DNAH11: variants seen among roughly 807,000 people sequenced by gnomAD.
DNAH11 encodes the protein dynein axonemal heavy chain 11, also known as axonemal beta dynein heavy chain 11.
In DNAH11, 442 loss-of-function variants were observed where a neutral mutation model predicts 526.0. The ratio of observed to expected loss-of-function variants is 0.84; its 90% confidence interval spans 0.78 to 0.91. DNAH11 has a LOEUF of 0.91. Ranked by LOEUF, DNAH11 falls within the 40% of genes least tolerant of loss-of-function variation. The pLI, the probability that DNAH11 is intolerant of heterozygous loss-of-function variation, is 0.00. For missense variants in DNAH11, 6,989 were observed against 5,448.7 expected (o/e 1.28, Z -8.90); for synonymous variants, 2,461 against 1,935.9 (o/e 1.27, Z -7.12).
intron 65 of DNAH11, 53 bp downstream of exon 65, chr7:21,818,392 G>A (rs1207883973): frequency 4.5e-6 from 7 of 1,565,426 alleles, no homozygotes; most frequent in Non-Finnish European, 6.1e-6. Flanking sequence ...ATTTTCAGCA[G>A]CAGCATCTCT....
intron 8 of DNAH11, among the ~76,000 whole-genome samples, chr7:21,577,477 T>G (rs1784140660): frequency 6.6e-6 from 1 of 152,194 alleles, no homozygotes; most frequent in Non-Finnish European, 1.5e-5. Context: ...GTGGGAATCC[T>G]GGATTTCCTT....
chr7:21,672,155 A>G (rs959447021), intron 30 of DNAH11, among the ~76,000 whole-genome samples: 4 of 152,174 alleles, frequency 2.6e-5, no homozygotes, highest in African/African-American at 7.2e-5. Flanking sequence ...CGTTGCTGTT[A>G]TGAAACAAGA....
chr7:21,836,918 A>T (rs1470453172), intron 65 of DNAH11, among the ~76,000 whole-genome samples: 1 of 152,124 alleles, frequency 6.6e-6, no homozygotes, highest in African/African-American at 2.4e-5. Context: ...AAAGGATGTG[A>T]TTCTAAAACA....
At chr7:21,880,618 T>C in intron 74 of DNAH11, 84 bp from the exon 75 acceptor site, 2 of 1,457,918 alleles carry the variant, frequency 1.4e-6, no homozygotes, top group African/African-American at 1.4e-5. Flanking sequence ...CTCAAAGTTC[T>C]TTACAAGATT....
At chr7:21,723,327 G>T (rs116510983) in intron 44 of DNAH11, among the ~76,000 whole-genome samples, 1 of 152,176 alleles carries the variant, frequency 6.6e-6, no homozygotes, top group African/African-American at 2.4e-5. Flanking sequence ...ATTTTAATCT[G>T]CTTCCAGGCA....
chr7:21,629,025 T>C (rs1786477111), intron 25 of DNAH11, among the ~76,000 whole-genome samples: 1 of 152,076 alleles, frequency 6.6e-6, no homozygotes, highest in South Asian at 2.1e-4. Flanking sequence ...TCTACTTTTT[T>C]GATATATGTG....
chr7:21,876,823 A>T (rs1346037188), intron 74 of DNAH11, among the ~76,000 whole-genome samples: 1 of 152,238 alleles, frequency 6.6e-6, no homozygotes, highest in Non-Finnish European at 1.5e-5. Flanking sequence ...AACAAACAGA[A>T]ATTCTCCTTT....
At chr7:21,837,793 A>G (rs1034228968) in intron 65 of DNAH11, among the ~76,000 whole-genome samples, 1 of 152,172 alleles carries the variant, frequency 6.6e-6, no homozygotes, top group African/African-American at 2.4e-5. Flanking sequence ...TATAGTAAAC[A>G]ATATTATAGT....
At chr7:21,562,865 G>C (rs1391351154) in intron 5 of DNAH11, among the ~76,000 whole-genome samples, 1 of 152,198 alleles carries the variant, frequency 6.6e-6, no homozygotes, top group Non-Finnish European at 1.5e-5. Context: ...TACACAGACA[G>C]ATTAATTGGT....
intron 6 of DNAH11, among the ~76,000 whole-genome samples, chr7:21,566,437 C>A (rs1014293178): frequency 6.6e-6 from 1 of 152,190 alleles, no homozygotes; most frequent in Non-Finnish European, 1.5e-5. Flanking sequence ...CCCTGAAGCA[C>A]TAACCACCCT....
intron 65 of DNAH11, among the ~76,000 whole-genome samples, chr7:21,821,976 C>G (rs1218691981): frequency 6.6e-6 from 1 of 151,678 alleles, no homozygotes; most frequent in East Asian, 1.9e-4. Flanking sequence ...CTTTCTGTGC[C>G]TGACTTATTT....
chr7:21,735,402 G>T (rs576353336), intron 45 of DNAH11, among the ~76,000 whole-genome samples: 1 of 152,250 alleles, frequency 6.6e-6, no homozygotes, highest in South Asian at 2.1e-4. Flanking sequence ...TTACTTTATG[G>T]TACTTTGATG....
At chr7:21,652,467 A>G (rs1392728026) in intron 28 of DNAH11, among the ~76,000 whole-genome samples, 3 of 152,340 alleles carry the variant, frequency 2.0e-5, no homozygotes, top group African/African-American at 7.2e-5. Context: ...AGGCAATGCT[A>G]TTCATATAAC....
rs368260932 is a variant in DNAH11 at position 21,749,702 on chromosome 7, C to T, written c.8698C>T (p.Arg2900Ter). 1.3e-4 allele frequency: 214 copies of T among 1,613,570 alleles called. No individual in the cohort carries two copies. The highest frequency in any genetic ancestry group is 1.7e-4 in the Non-Finnish European group (203 of 1,179,784). Reference protein sequence around the residue: ...LRVDLANLYIRTGAKNMPTVF... With the variant: ...LRVDLANLYI Reference sequence around the variant, plus strand: ...GGTAGATCTTGCCAATTTGTACATCCGAACTGGAGCCAAGAACATGCCCAC... The same window carrying T: ...GGTAGATCTTGCCAATTTGTACATCTGAACTGGAGCCAAGAACATGCCCAC... Residue 2900 changes from arginine (R) to a stop codon, truncating the protein, a stop_gained, in exon 53 of 82, where the codon CGA becomes TGA. Coordinates refer to ENST00000409508, the MANE Select transcript of DNAH11 (RefSeq NM_001277115.2). LOFTEE classifies it high-confidence loss of function.
At chr7:21,687,599 C>T (rs1783436039) in intron 34 of DNAH11, 72 bp downstream of exon 34, 4 of 1,502,682 alleles carry the variant, frequency 2.7e-6, no homozygotes, top group African/African-American at 2.8e-5. Context: ...CTCCCCTTCA[C>T]TGTCTATTGC....
chr7:21,721,020 G>C (rs928483567), intron 44 of DNAH11, among the ~76,000 whole-genome samples, 164 bp downstream of exon 44: 12 of 152,152 alleles, frequency 7.9e-5, no homozygotes, highest in Admixed American at 2.6e-4. Context: ...TCCCATCCCT[G>C]ATGGTTCTAA....
intron 62 of DNAH11, among the ~76,000 whole-genome samples, chr7:21,806,529 G>T (rs756305617): frequency 6.6e-6 from 1 of 152,250 alleles, no homozygotes; most frequent in Non-Finnish European, 1.5e-5. Flanking sequence ...CATGACCTCC[G>T]ACCTCAGGGT....
intron 2 of DNAH11, among the ~76,000 whole-genome samples, chr7:21,556,691 G>T (rs908857703): frequency 1.3e-5 from 2 of 152,096 alleles, no homozygotes; most frequent in African/African-American, 4.8e-5. Flanking sequence ...CCACCCTCAA[G>T]AAGGCCACAG....
At position 21,710,621 on chromosome 7, in the gene DNAH11, A is replaced by G. The variant is rs765970017; in HGVS notation, c.6752A>G (p.Asp2251Gly). The G allele has an allele frequency of 1.1e-5, 18 of 1,613,382 alleles. No homozygotes were observed. The highest frequency in any genetic ancestry group is 8.9e-5 in the East Asian group (4 of 44,846). Residue 2251 changes from aspartate to glycine, a missense_variant, in exon 41 of 82, where the codon GAT becomes GGT. Coordinates refer to ENST00000409508, the MANE Select transcript of DNAH11 (RefSeq NM_001277115.2). ...ILREQANLKH[D>G]GPKWIVLDGD... ...CGAGAACAAGCAAATCTTAAGCATG[A>G]TGGACCAAAATGGATAGTCCTGGAT...
Sources: gnomAD v4.1 joint callset for allele counts (sites outside exome capture counted in the v4.1 genomes callset) on GRCh38, gnomAD v4.1.1 for gene constraint, MANE v1.5 for transcripts, NCBI Gene and HGNC (gene_info 2026-07-23, HGNC 2026-07-21) for gene names.